Variants in PRRG1 observed in about 807,000 individuals in gnomAD.
PRRG1 encodes proline rich and Gla domain 1, also known as transmembrane gamma-carboxyglutamic acid protein 1.
PRRG1 carries 5 observed loss-of-function variants against 11.8 expected under a neutral mutation model. That is an observed-to-expected ratio of 0.42 (90% CI 0.22 to 0.89). PRRG1 has a LOEUF of 0.89. Ranked by LOEUF, PRRG1 falls within the 40% of genes least tolerant of loss-of-function variation. The pLI is 0.28. For missense variants in PRRG1, 155 were observed against 166.1 expected (o/e 0.93, Z 0.37); for synonymous variants, 66 against 60.4 (o/e 1.09, Z -0.43).
intron 1 of PRRG1, among the ~76,000 whole-genome samples, chrX:37,371,173 G>A (rs1321197579): frequency 9.0e-6 from 1 of 111,397 alleles, no homozygotes; most frequent in Non-Finnish European, 1.9e-5. Flanking sequence ...CCCCTCTGAA[G>A]CACATAAAAA....
chrX:37,349,847 G>A (rs1449674701), intron 1 of PRRG1, among the ~76,000 whole-genome samples: 1 of 110,968 alleles, frequency 9.0e-6, no homozygotes, highest in Non-Finnish European at 1.9e-5. Flanking sequence ...GAGGCGGTGG[G>A]CTGTCGGCCC....
chrX:37,430,113 C>A (rs936480792), intron 3 of PRRG1, among the ~76,000 whole-genome samples: 1 of 111,893 alleles, frequency 8.9e-6, no homozygotes, highest in Non-Finnish European at 1.9e-5. Context: ...GTATATACCA[C>A]ATTTTCTTTA....
At chrX:37,392,462 G>A (rs1164040085) in intron 1 of PRRG1, among the ~76,000 whole-genome samples, 2 of 108,396 alleles carry the variant, frequency 1.8e-5, no homozygotes, top group Admixed American at 2.0e-4. Flanking sequence ...GCCCAGGTGG[G>A]TGGATCACTT....
At chrX:37,445,669 T>C (rs1556395000) in intron 3 of PRRG1, among the ~76,000 whole-genome samples, 1 of 113,199 alleles carries the variant, frequency 8.8e-6, no homozygotes, top group Non-Finnish European at 1.9e-5. Context: ...TTTCTGTTTA[T>C]GTTCCACACA....
At chrX:37,351,199 G>C (rs1930049836) in intron 1 of PRRG1, among the ~76,000 whole-genome samples, 1 of 111,704 alleles carries the variant, frequency 9.0e-6, no homozygotes, top group African/African-American at 3.3e-5. Flanking sequence ...CTGTTAGAAA[G>C]ATGGTAATTC....
At chrX:37,398,313 C>T (rs1187249230) in intron 1 of PRRG1, among the ~76,000 whole-genome samples, 13 of 111,639 alleles carry the variant, frequency 1.2e-4, no homozygotes, top group Non-Finnish European at 2.1e-4. Flanking sequence ...CAGCAGCATT[C>T]GCGGTTCACG....
At chrX:37,387,159 A>T (rs1931355250) in intron 1 of PRRG1, among the ~76,000 whole-genome samples, 1 of 112,038 alleles carries the variant, frequency 8.9e-6, no homozygotes, top group African/African-American at 3.3e-5. Flanking sequence ...CAATTCCAAG[A>T]CCTTATCAAC....
intron 1 of PRRG1, among the ~76,000 whole-genome samples, chrX:37,353,789 C>T (rs781943531): frequency 9.8e-5 from 11 of 112,200 alleles, no homozygotes; most frequent in Admixed American, 1.9e-4. Flanking sequence ...TAAGCTATAC[C>T]ATCCAGGTAT....
chrX:37,380,889 C>T (rs1159045303), intron 1 of PRRG1, among the ~76,000 whole-genome samples: 1 of 111,322 alleles, frequency 9.0e-6, no homozygotes. Flanking sequence ...TGATTGATCC[C>T]AGGGCTGCAC....
At position 37,382,293 on chromosome X, in the gene PRRG1, A is replaced by T. The variant is rs782318512; in HGVS notation, c.-41-23916A>T. ...GCTGATAACCCCCCTGTTTAATTTTACCAGTAGTATGCACGTGCTTGCCCC... is the reference window on the plus strand; with the variant it reads ...GCTGATAACCCCCCTGTTTAATTTTTCCAGTAGTATGCACGTGCTTGCCCC... On this transcript the variant is annotated intron_variant, in intron 1 of 3. Coordinates refer to ENST00000378628, the MANE Select transcript of PRRG1 (RefSeq NM_001142395.2). Among the ~76,000 whole-genome samples the T allele has an allele frequency of 4.2e-4, 47 of 111,269 alleles. 1 individual carries two copies. The East Asian group carries it at 0.013, about 30-fold the overall frequency.
chrX:37,378,117 C>T (rs1043267862), intron 1 of PRRG1, among the ~76,000 whole-genome samples: 1 of 111,938 alleles, frequency 8.9e-6, no homozygotes, highest in Non-Finnish European at 1.9e-5. Flanking sequence ...ATGAATGTCA[C>T]CCACAGAATT....
chrX:37,445,730 C>T (rs1420281652), intron 3 of PRRG1, among the ~76,000 whole-genome samples: 1 of 112,686 alleles, frequency 8.9e-6, no homozygotes, highest in African/African-American at 3.2e-5. Context: ...CATTTGGCAA[C>T]CTATTTGTTT....
At chrX:37,411,178 G>A (rs1932341281) in intron 2 of PRRG1, among the ~76,000 whole-genome samples, 1 of 111,675 alleles carries the variant, frequency 9.0e-6, no homozygotes. Flanking sequence ...TGTAAACATA[G>A]CATTTACATT....
chrX:37,379,982 A>G (rs1556373409), intron 1 of PRRG1, among the ~76,000 whole-genome samples: 1 of 111,706 alleles, frequency 9.0e-6, no homozygotes, highest in Non-Finnish European at 1.9e-5. Flanking sequence ...AATGCCATAG[A>G]TATTCAGAGG....
Position 37,385,094 on chromosome X carries a change from T to C in PRRG1, c.-41-21115T>C, listed in dbSNP as rs188931313. ...ACCTAAACTTGAAATAACTTAAATT[T>C]CTGTCAATAGAATGAATAAATAAAT... On this transcript the variant is annotated intron_variant, in intron 1 of 3. Transcript: ENST00000378628. Among the ~76,000 whole-genome samples, 160 of 112,073 alleles carry C rather than the reference T, an allele frequency of 1.4e-3. No individual in the cohort carries two copies. In the Middle Eastern group the frequency reaches 0.018, roughly 13 times the overall value.
chrX:37,438,467 G>T (rs781786279), intron 3 of PRRG1, among the ~76,000 whole-genome samples: 1 of 77,244 alleles, frequency 1.3e-5, no homozygotes, highest in African/African-American at 5.4e-5. Context: ...ACACGGTTTC[G>T]CTCTTATTGC....
intron 1 of PRRG1, among the ~76,000 whole-genome samples, chrX:37,392,359 A>G (rs1265640142): frequency 9.1e-6 from 1 of 109,338 alleles, no homozygotes; most frequent in Non-Finnish European, 1.9e-5. Flanking sequence ...CCTGATATAC[A>G]CCAACTGATG....
At chrX:37,405,114 T>A (rs924352117) in intron 1 of PRRG1, among the ~76,000 whole-genome samples, 1 of 112,233 alleles carries the variant, frequency 8.9e-6, no homozygotes. Flanking sequence ...ATGGGAAGCA[T>A]GGGCTCTGTA....
Position 37,425,949 on chromosome X carries a change from A to G in PRRG1, c.120A>G (p.Glu40=). The change falls in exon 3 of 4, where the codon GAA becomes GAG. Residue 40 remains glutamate, a synonymous_variant. Transcript: ENST00000378628. ...QGNIERECKE[E]FCTFEEAREA... is the part of the protein sequence containing the mutation. ...ACATTGAGCGTGAGTGCAAAGAAGA[A>G]TTCTGTACATTTGAAGAAGCAAGAG... 8.3e-7 allele frequency: 1 copy of G among 1,198,594 alleles called. No individual in the cohort carries two copies. Among genetic ancestry groups the G allele is most frequent in the Admixed American group, 2.3e-5 (1 of 43,745 alleles).
Sources: allele counts gnomAD v4.1 joint callset (sites outside exome capture counted in the v4.1 genomes callset), GRCh38; gene constraint gnomAD v4.1.1; transcripts MANE v1.5; gene names NCBI Gene and HGNC (gene_info 2026-07-23, HGNC 2026-07-21).